The following KLHL22 variants were observed in gnomAD, a reference collection of about 807,000 sequenced individuals.
KLHL22 encodes the protein kelch like family member 22, also known as kelch-like protein 22.
A neutral mutation model predicts 60.7 loss-of-function variants in KLHL22; 18 were observed. The ratio of observed to expected loss-of-function variants is 0.30; its 90% CI spans 0.20 to 0.44. The LOEUF is 0.44. KLHL22 is among the 20% of genes least tolerant of loss of function. The pLI is 1.00. For synonymous variants in KLHL22, 355 were observed against 354.5 expected (o/e 1.00, Z -0.01); for missense variants, 596 against 852.3 (o/e 0.70, Z 3.74).
chr22:20,453,456 A>T (rs1057042264), intron 5 of KLHL22, among the ~76,000 whole-genome samples: 1 of 152,170 alleles, frequency 6.6e-6, no homozygotes, highest in South Asian at 2.1e-4. Context: ...CATGTGTAAC[A>T]TGACTGGGCA....
In KLHL22 at chr22:20,462,358, A is replaced by T. The variant is rs182912924; in HGVS notation, c.1112+2500T>A. ...CGAAGGAAAAATTACATTATTATTT[A>T]AAAAATTTTTTTTAGAGACAGGGTC... On this transcript the variant is annotated intron_variant, in intron 4 of 6. Coordinates refer to ENST00000328879, the MANE Select transcript of KLHL22 (RefSeq NM_032775.4). Among the ~76,000 whole-genome samples the T allele has an allele frequency of 3.4e-3, 514 of 151,794 alleles. 4 individuals are homozygous for T. The highest frequency in any genetic ancestry group is 0.01 in the Middle Eastern group (3 of 292).
intron 5 of KLHL22, chr22:20,450,526 G>T (rs774820801): frequency 6.2e-7 from 1 of 1,613,928 alleles, no homozygotes. Context: ...TAATTGCCTG[G>T]GTATTAGGGA....
chr22:20,455,578 G>C (rs1192688629), intron 5 of KLHL22, among the ~76,000 whole-genome samples: 1 of 152,068 alleles, frequency 6.6e-6, no homozygotes, highest in African/African-American at 2.4e-5. Context: ...ACCACACCTG[G>C]GGTTTCAAAA....
At chr22:20,475,181 T>C (rs999020907) in intron 2 of KLHL22, 2 of 83,408 alleles carry the variant, frequency 2.4e-5, no homozygotes, top group Non-Finnish European at 4.7e-5. Context: ...CAGAAATTTG[T>C]CTTTTTTTTT....
intron 2 of KLHL22, among the ~76,000 whole-genome samples, chr22:20,479,264 T>C (rs191623301): frequency 2.6e-5 from 4 of 151,582 alleles, no homozygotes; most frequent in Non-Finnish European, 1.5e-5. Flanking sequence ...AAAAAATATA[T>C]TAAAAAAAAA....
chr22:20,466,642 T>C (rs1408413979), intron 3 of KLHL22, among the ~76,000 whole-genome samples: 1 of 152,136 alleles, frequency 6.6e-6, no homozygotes, highest in African/African-American at 2.4e-5. Context: ...CCCAGGAACC[T>C]GATTTAGAAT....
At chr22:20,491,636 C>T (rs1448609374) in intron 1 of KLHL22, 1 of 152,194 alleles carries the variant, frequency 6.6e-6, no homozygotes, top group Non-Finnish European at 1.5e-5. Context: ...TATGGGACCA[C>T]CATCCTTCAT....
At chr22:20,457,717 G>A in intron 5 of KLHL22, 91 bp downstream of exon 5, 1 of 972,878 alleles carries the variant, frequency 1.0e-6, no homozygotes, top group Non-Finnish European at 1.5e-6. Context: ...TCTGACCTGG[G>A]ACAGGCCTTG....
chr22:20,450,176 A>G, intron 5 of KLHL22: 1 of 794,886 alleles, frequency 1.3e-6, no homozygotes, highest in Non-Finnish European at 2.3e-6. Context: ...TGCTAAATCA[A>G]TCCTCAGTTC....
rs1445598309 is a variant in KLHL22, at chr22:20,488,973, T to C, written c.227+12A>G. 1 of 1,611,952 alleles carries C rather than the reference T, an allele frequency of 6.2e-7. No individual in the cohort carries two copies. The highest frequency in any genetic ancestry group is 1.7e-5 in the Admixed American group (1 of 59,944). ...TTGTTATTCTTCTTACAAACAGCTC[T>C]AGTGAACTCACCTGAAGTAATCGCA... is the stretch of plus-strand genomic sequence containing the variant. On this transcript the variant is annotated intron_variant, in intron 2 of 6. Transcript: ENST00000328879.
chr22:20,465,235 C>A lies in KLHL22; in HGVS notation c.735G>T (p.Arg245=), dbSNP rs1046915954. 5.1e-5 allele frequency: 82 copies of A among 1,613,834 alleles called. No homozygotes were observed. Among genetic ancestry groups the A allele is most frequent in the Middle Eastern group, 3.3e-4 (2 of 6,084 alleles). ...HEPPKLLETV[R]FPLMEAEVLQ... ...GGACCTCAGCTTCCATCAGCGGAAACCGCACTGTCTCAAGGAGCTTTGGGG... is the reference window on the plus strand; with the variant it reads ...GGACCTCAGCTTCCATCAGCGGAAAACGCACTGTCTCAAGGAGCTTTGGGG... Residue 245 remains arginine (R), a synonymous_variant, in exon 4 of 7, where the codon CGG becomes CGT. Coordinates refer to ENST00000328879, the MANE Select transcript of KLHL22 (RefSeq NM_032775.4). This position sits in a 1 kb window ranked among gnomAD's most constrained non-coding sequence, Gnocchi z 4.9.
chr22:20,455,356 G>A (rs192229495), intron 5 of KLHL22, among the ~76,000 whole-genome samples: 12 of 152,272 alleles, frequency 7.9e-5, no homozygotes, highest in East Asian at 5.8e-4. Context: ...GGCCAGCCTC[G>A]CTTGCTCTGC....
At chr22:20,478,635 C>G (rs1456740696) in intron 2 of KLHL22, among the ~76,000 whole-genome samples, 1 of 149,586 alleles carries the variant, frequency 6.7e-6, no homozygotes, top group African/African-American at 2.4e-5. Context: ...CTGTCTCAGC[C>G]TCCCGAGTAG....
At chr22:20,487,142 A>T (rs1019194473) in intron 2 of KLHL22, among the ~76,000 whole-genome samples, 2 of 152,118 alleles carry the variant, frequency 1.3e-5, no homozygotes. Context: ...CTGGTCTCGA[A>T]CTACTAATCT....
Position 20,489,030 on chromosome 22 carries a change from A to T in KLHL22, c.182T>A (p.Ile61Asn). The change falls in exon 2 of 7, where the codon ATC becomes AAC. Residue 61 changes from isoleucine to asparagine, a missense_variant. Physicochemically the swap from Ile to Asn is moderately radical, Grantham distance 149. Transcript: ENST00000328879. ...DVVLVVEGRH[I>N]EAHRILLAAS... ...AGCCAGCAGGATGCGATGGGCCTCGATGTGTCTGCCCTCCACCACCAGCAC... is the reference window on the plus strand; with the variant it reads ...AGCCAGCAGGATGCGATGGGCCTCGTTGTGTCTGCCCTCCACCACCAGCAC... 6.2e-7 allele frequency: 1 copy of T among 1,614,046 alleles called. No homozygotes were observed. The highest frequency in any genetic ancestry group is 8.5e-7 in the Non-Finnish European group (1 of 1,180,028).
intron 4 of KLHL22, among the ~76,000 whole-genome samples, chr22:20,461,322 G>T (rs931713888): frequency 1.3e-5 from 2 of 152,112 alleles, no homozygotes; most frequent in African/African-American, 4.8e-5. Flanking sequence ...GGGAGGCTAA[G>T]GCGGGAGGAT....
At position 20,495,407 on chromosome 22, in the gene KLHL22, C is replaced by T. The variant is rs952168964; in HGVS notation, c.-34+353G>A. On this transcript the variant is annotated intron_variant, in intron 1 of 6. Transcript: ENST00000328879. The surrounding 1 kb of genome is among the most constrained non-coding windows in gnomAD (Gnocchi z 4.6). ...GGCCGCCCGCTCCAGCGCGGAGGGT[C>T]GCGGCCAGGAAGGCCGCATTCGGAC... 4.6e-5 allele frequency among the ~76,000 whole-genome samples: 7 copies of T among 152,020 alleles called. No homozygotes were observed. Among genetic ancestry groups the T allele is most frequent in the Non-Finnish European group, 8.8e-5 (6 of 67,942 alleles).
intron 5 of KLHL22, among the ~76,000 whole-genome samples, chr22:20,456,903 G>A (rs929668593): frequency 6.6e-6 from 1 of 152,246 alleles, no homozygotes; most frequent in African/African-American, 2.4e-5. Context: ...CCCTGAGGCA[G>A]TGCAGGTAGA....
intron 5 of KLHL22, among the ~76,000 whole-genome samples, chr22:20,447,691 C>T (rs527914187): frequency 3.3e-5 from 5 of 152,080 alleles, no homozygotes; most frequent in South Asian, 4.2e-4. Context: ...TATAGGCGCC[C>T]GCCACCATAC....
Sources: allele counts gnomAD v4.1 joint callset (sites outside exome capture counted in the v4.1 genomes callset), GRCh38; gene constraint gnomAD v4.1.1; non-coding constraint Gnocchi (gnomAD v3.1); transcripts MANE v1.5; gene names NCBI Gene and HGNC (gene_info 2026-07-23, HGNC 2026-07-21).